Variants in C5orf34 observed in about 807,000 individuals in gnomAD.
C5orf34 encodes the protein uncharacterized protein C5orf34.
Under a neutral mutation model 78.4 loss-of-function variants are expected in C5orf34, and 73 were observed. The ratio of observed to expected loss-of-function variants is 0.93; its 90% CI spans 0.77 to 1.13. The LOEUF (loss-of-function observed/expected upper bound fraction) is 1.13, where lower values mean the gene tolerates loss of function less well. Ranked by LOEUF, C5orf34 falls within the 50% of genes most tolerant of loss-of-function variation. C5orf34 has a pLI of 0.00. For missense variants in C5orf34, 730 were observed against 732.7 expected, an observed-to-expected ratio of 1.00 and a Z score of 0.04; for synonymous variants, 251 against 246.6, an observed-to-expected ratio of 1.02 and a Z score of -0.17.
At chr5:43,489,987 C>T (rs1013333689) in intron 11 of C5orf34, among the ~76,000 whole-genome samples, 1 of 152,070 alleles carries the variant, frequency 6.6e-6, no homozygotes, top group African/African-American at 2.4e-5. Context: ...CATTCCTAGC[C>T]CTCAAAACTC....
chr5:43,495,549 G>A (rs951680401), intron 6 of C5orf34: 1 of 1,611,988 alleles, frequency 6.2e-7, no homozygotes, highest in African/African-American at 1.3e-5. Context: ...TTGTCCCCAG[G>A]AAGAGCTTCA....
intron 2 of C5orf34, among the ~76,000 whole-genome samples, 200 bp from the exon 3 acceptor site, chr5:43,508,866 G>C (rs1746101538): frequency 6.6e-6 from 1 of 152,188 alleles, no homozygotes; most frequent in African/African-American, 2.4e-5. Context: ...GGCCAAGATG[G>C]GAGGATTACT....
At chr5:43,498,828 C>A (rs1015489111) in intron 6 of C5orf34, among the ~76,000 whole-genome samples, 1 of 152,206 alleles carries the variant, frequency 6.6e-6, no homozygotes, top group Non-Finnish European at 1.5e-5. Context: ...TGAGGTTACT[C>A]ATGCTCCAGT....
chr5:43,507,874 C>A (rs566343494), intron 3 of C5orf34, among the ~76,000 whole-genome samples: 6 of 151,900 alleles, frequency 3.9e-5, no homozygotes, highest in Non-Finnish European at 5.9e-5. Flanking sequence ...GTCAGGAGAT[C>A]GAGACCATGC....
At chr5:43,507,135 T>C (rs74481818) in intron 3 of C5orf34, among the ~76,000 whole-genome samples, 1,595 of 152,246 alleles carry the variant, frequency 0.01, 16 homozygotes, top group Non-Finnish European at 0.013. Context: ...GAGGAAACTT[T>C]AAAAAAGTTT....
chr5:43,488,202 T>A (rs1745138337), intron 11 of C5orf34: 2 of 483,930 alleles, frequency 4.1e-6, no homozygotes, highest in African/African-American at 1.9e-5. Flanking sequence ...AATCAAATAT[T>A]GATGTTTGAG....
At chr5:43,495,204 G>C (rs1194460178) in intron 6 of C5orf34, 25 of 1,611,226 alleles carry the variant, frequency 1.6e-5, no homozygotes, top group Non-Finnish European at 2.0e-5. Context: ...TGACCCAAAG[G>C]TGGATAGTCT....
chr5:43,496,409 C>T (rs1313490028), intron 6 of C5orf34: 34 of 1,595,354 alleles, frequency 2.1e-5, no homozygotes, highest in Admixed American at 5.0e-5. Context: ...CCCGAATTTA[C>T]GTGTCCAATG....
chr5:43,496,234 T>C, intron 6 of C5orf34: 4 of 1,577,080 alleles, frequency 2.5e-6, no homozygotes, highest in Non-Finnish European at 2.6e-6. Flanking sequence ...CAAGGAGATA[T>C]CAATGGTGAT....
At chr5:43,496,383 A>G (rs2112287101) in intron 6 of C5orf34, 6 of 1,595,030 alleles carry the variant, frequency 3.8e-6, no homozygotes, top group Non-Finnish European at 5.1e-6. Flanking sequence ...TCAGATGGCC[A>G]GTAGTGGTGG....
At chr5:43,505,423 C>T (rs1372930262) in intron 4 of C5orf34, 1 of 220,078 alleles carries the variant, frequency 4.5e-6, no homozygotes, top group Non-Finnish European at 8.9e-6. Context: ...CATCATTTAG[C>T]ATACTTTAAT....
At chr5:43,498,224 G>T (rs1199229344) in intron 6 of C5orf34, among the ~76,000 whole-genome samples, 1 of 152,160 alleles carries the variant, frequency 6.6e-6, no homozygotes, top group African/African-American at 2.4e-5. Flanking sequence ...TAGCACATGG[G>T]AAGCACTCAA....
At chr5:43,502,760 T>TTCTTGATA (rs1216821192) in intron 5 of C5orf34, among the ~76,000 whole-genome samples, 1 of 152,256 alleles carries the variant, frequency 6.6e-6, no homozygotes, top group East Asian at 1.9e-4. Context: ...TCTTATCATC[T>TTCTTGATA]TCTTGATATC....
chr5:43,506,137 A>C lies in C5orf34; in HGVS notation c.543T>G (p.Cys181Trp), dbSNP rs753273725. The C allele has an allele frequency of 6.2e-7, 1 of 1,614,200 alleles. No individual in the cohort carries two copies. The highest frequency in any genetic ancestry group is 8.5e-7 in the Non-Finnish European group (1 of 1,180,040). The change falls in exon 4 of 13, where the codon TGT becomes TGG. Residue 181 changes from cysteine to tryptophan, a missense_variant. Cys to Trp is a radical substitution (Grantham distance 215). Transcript: ENST00000306862. ...TCTGTCCTGGTAAATTTCCACGTATACAGATTTTGCCAGTTTTTTCAACTA... is the reference window on the plus strand; with the variant it reads ...TCTGTCCTGGTAAATTTCCACGTATCCAGATTTTGCCAGTTTTTTCAACTA... ...DKLVEKTGKI[C>W]IRGNLPGQRL...
intron 6 of C5orf34, chr5:43,495,394 A>G: frequency 6.2e-7 from 1 of 1,611,736 alleles, no homozygotes; most frequent in Non-Finnish European, 8.5e-7. Context: ...GGGCATAGCC[A>G]GCGCTTATTT....
At chr5:43,513,080 C>T (rs906163022) in intron 1 of C5orf34, among the ~76,000 whole-genome samples, 1 of 152,122 alleles carries the variant, frequency 6.6e-6, no homozygotes, top group Non-Finnish European at 1.5e-5. Context: ...CCGCACCTGG[C>T]CCACCTTGTC....
intron 1 of C5orf34, among the ~76,000 whole-genome samples, chr5:43,511,738 T>C (rs1746269851): frequency 6.6e-6 from 1 of 152,116 alleles, no homozygotes; most frequent in South Asian, 2.1e-4. Context: ...CCCCCAACCC[T>C]GTGCTCTCTG....
chr5:43,499,058 T>A (rs1745656222), intron 6 of C5orf34, among the ~76,000 whole-genome samples: 2 of 152,236 alleles, frequency 1.3e-5, no homozygotes, highest in South Asian at 4.1e-4. Context: ...GTGTAGCTGA[T>A]AAAGAACATA....
chr5:43,503,372 C>G (rs1407698303), intron 5 of C5orf34, among the ~76,000 whole-genome samples: 1 of 152,162 alleles, frequency 6.6e-6, no homozygotes, highest in Non-Finnish European at 1.5e-5. Flanking sequence ...AAGGAGTATC[C>G]TAAATAACTG....
Sources: gnomAD v4.1 joint callset for allele counts (sites outside exome capture counted in the v4.1 genomes callset) on GRCh38, gnomAD v4.1.1 for gene constraint, MANE v1.5 for transcripts, NCBI Gene and HGNC (gene_info 2026-07-23, HGNC 2026-07-21) for gene names.